Variants in FARS2 observed in about 807,000 individuals in gnomAD.
The protein encoded by FARS2 is phenylalanyl-tRNA synthetase 2, mitochondrial, also known as phenylalanine--tRNA ligase, mitochondrial.
FARS2 carries 40 observed loss-of-function variants against 46.4 expected under a neutral mutation model. The ratio of observed to expected loss-of-function variants is 0.86; its 90% CI spans 0.67 to 1.12. FARS2 has a LOEUF of 1.12. Among genes scored for constraint, FARS2 ranks in the 50% most tolerant of loss-of-function variants. The probability of loss-of-function intolerance (pLI) is 0.00; values close to 1 mark genes in which losing one functional copy is unlikely to be tolerated. For missense variants in FARS2, 513 were observed against 567.9 expected (o/e 0.90, Z 0.98); for synonymous variants, 234 against 214.9 (o/e 1.09, Z -0.78).
chr6:5,754,472 C>T (rs962078074), intron 6 of FARS2, among the ~76,000 whole-genome samples: 3 of 152,206 alleles, frequency 2.0e-5, no homozygotes, highest in Non-Finnish European at 2.9e-5. Context: ...ACAGTCTTGC[C>T]AGAGAGTAAA....
At chr6:5,650,884 A>G (rs1366991683) in intron 6 of FARS2, among the ~76,000 whole-genome samples, 2 of 152,194 alleles carry the variant, frequency 1.3e-5, no homozygotes, top group East Asian at 3.9e-4. Context: ...GATCAGGCTG[A>G]CCTGATCCTG....
chr6:5,526,394 A>G (rs1561685335), intron 4 of FARS2, among the ~76,000 whole-genome samples: 1 of 150,248 alleles, frequency 6.7e-6, no homozygotes, highest in Non-Finnish European at 1.5e-5. Flanking sequence ...ATTAATTGTC[A>G]TTACTTGGGA....
intron 3 of FARS2, among the ~76,000 whole-genome samples, chr6:5,405,780 C>T (rs140607376): frequency 0.026 from 3,962 of 151,838 alleles, 68 homozygotes; most frequent in South Asian, 0.068. Context: ...GCGTGATCCA[C>T]GGCGCCCGGC....
intron 6 of FARS2, among the ~76,000 whole-genome samples, chr6:5,697,585 T>C (rs1302426420): frequency 1.3e-5 from 2 of 152,234 alleles, no homozygotes; most frequent in Non-Finnish European, 2.9e-5. Context: ...GAAGAATATT[T>C]TTCTAGGACA....
chr6:5,297,683 A>G (rs1387004532), intron 1 of FARS2, among the ~76,000 whole-genome samples: 1 of 152,044 alleles, frequency 6.6e-6, no homozygotes, highest in Non-Finnish European at 1.5e-5. Context: ...CCAAAAGAAC[A>G]GCAACAGCAA....
intron 6 of FARS2, among the ~76,000 whole-genome samples, chr6:5,728,070 T>G (rs1409539538): frequency 6.6e-6 from 1 of 152,226 alleles, no homozygotes; most frequent in Non-Finnish European, 1.5e-5. Flanking sequence ...CTCGATGAAC[T>G]AACAGGGTCC....
intron 5 of FARS2, chr6:5,609,577 C>T: frequency 7.8e-7 from 1 of 1,285,782 alleles, no homozygotes; most frequent in Non-Finnish European, 1.1e-6. Flanking sequence ...CCTCCACGAC[C>T]ACCACCAAAG....
chr6:5,767,039 C>T (rs1238829306), intron 6 of FARS2, among the ~76,000 whole-genome samples: 1 of 151,774 alleles, frequency 6.6e-6, no homozygotes, highest in African/African-American at 2.4e-5. Context: ...GGATATACCA[C>T]ATTTTGTTAA....
At chr6:5,636,745 T>C (rs1776563679) in intron 6 of FARS2, among the ~76,000 whole-genome samples, 1 of 152,184 alleles carries the variant, frequency 6.6e-6, no homozygotes, top group African/African-American at 2.4e-5. Flanking sequence ...CAGGAGTAGC[T>C]TTCCACTACT....
At chr6:5,483,692 TA>T (rs951319367) in intron 4 of FARS2, among the ~76,000 whole-genome samples, 5 of 150,382 alleles carry the variant, frequency 3.3e-5, no homozygotes, top group Non-Finnish European at 7.4e-5. Flanking sequence ...AAATAAATAA[TA>T]AAAATGAATA....
chr6:5,676,686 A>G lies in FARS2; in HGVS notation c.1217+63366A>G, dbSNP rs115345078. ...TCATATTTCTGAATGTGAGACTTTCATTTTGTTTAATTATCTATTGAATGC... is the reference window on the plus strand; with the variant it reads ...TCATATTTCTGAATGTGAGACTTTCGTTTTGTTTAATTATCTATTGAATGC... On this transcript the variant is annotated intron_variant, in intron 6 of 6. Transcript: ENST00000274680. Among the ~76,000 whole-genome samples the G allele has an allele frequency of 7.5e-3, 1,135 of 152,322 alleles. 17 individuals carry two copies. The highest frequency in any genetic ancestry group is 0.026 in the African/African-American group (1,081 of 41,580).
chr6:5,331,645 T>A (rs1770806512), intron 1 of FARS2, among the ~76,000 whole-genome samples: 1 of 152,194 alleles, frequency 6.6e-6, no homozygotes, highest in African/African-American at 2.4e-5. Flanking sequence ...TCAGCTGGTA[T>A]TGTTACTGGG....
In FARS2 at chr6:5,359,029, C is replaced by CTTTTTTTTTTTTTTTTTTTTTTTTTTT. The variant is rs764897456; in HGVS notation, c.-21-9521_-21-9520insTTTTTTTTTTTTTTTTTTTTTTTTTTT. 1.1e-4 allele frequency among the ~76,000 whole-genome samples: 8 copies of CTTTTTTTTTTTTTTTTTTTTTTTTTTT among 72,516 alleles called. 4 individuals are homozygous for CTTTTTTTTTTTTTTTTTTTTTTTTTTT. The highest frequency in any genetic ancestry group is 9.1e-5 in the African/African-American group (2 of 22,052). 47.6% of individuals were successfully genotyped at this position (72,516 alleles called of 152,430 possible). ...TCGAATTATAGTGATGAAAAGATAC[C>CTTTTTTTTTTTTTTTTTTTTTTTTTTT]CTTTTTTTTTTTTTTTTTTTTTTTT... On this transcript the variant is annotated intron_variant, in intron 1 of 6. Transcript: ENST00000274680.
intron 5 of FARS2, among the ~76,000 whole-genome samples, chr6:5,596,026 G>A (rs768373409): frequency 6.6e-6 from 1 of 152,036 alleles, no homozygotes; most frequent in Non-Finnish European, 1.5e-5. Flanking sequence ...ATTTATAAGG[G>A]TTTTAAATAT....
Position 5,324,425 on chromosome 6 carries a change from T to C in FARS2, c.-21-44125T>C, listed in dbSNP as rs546306345. ...CTTTTTAGGGATTGTGGTATTATTG[T>C]GGGAAAGAGACTATTTGCTTTTTTT... On this transcript the variant is annotated intron_variant, in intron 1 of 6. Coordinates refer to ENST00000274680, the MANE Select transcript of FARS2 (RefSeq NM_006567.5). Among the ~76,000 whole-genome samples, 8 of 150,462 alleles carry C rather than the reference T, an allele frequency of 5.3e-5. No individual in the cohort carries two copies. The East Asian group carries it at 1.4e-3, about 26-fold the overall frequency.
chr6:5,506,901 G>T (rs1403064803), intron 4 of FARS2, among the ~76,000 whole-genome samples: 1 of 152,196 alleles, frequency 6.6e-6, no homozygotes, highest in African/African-American at 2.4e-5. Flanking sequence ...ACAGAGAGAG[G>T]CTAAGAGGCT....
chr6:5,312,264 G>T (rs1769129181), intron 1 of FARS2, among the ~76,000 whole-genome samples: 1 of 152,126 alleles, frequency 6.6e-6, no homozygotes, highest in South Asian at 2.1e-4. Context: ...ATTTTAATAA[G>T]AATTTATTTT....
At chr6:5,254,437 T>C in the FARS2 span, among the ~76,000 whole-genome samples, 2 of 152,260 alleles carry the variant, frequency 1.3e-5, no homozygotes, top group Non-Finnish European at 2.9e-5. Flanking sequence ...ATGTTGATTG[T>C]AATAGTTCCT....
chr6:5,260,552 T>A, upstream of FARS2: 1 of 1,473,888 alleles, frequency 6.8e-7, no homozygotes, highest in Non-Finnish European at 9.1e-7. Context: ...CAAACCACGG[T>A]GGCTCCCAGT....
Sources: allele counts gnomAD v4.1 joint callset (sites outside exome capture counted in the v4.1 genomes callset), GRCh38; gene constraint gnomAD v4.1.1; transcripts MANE v1.5; gene names NCBI Gene and HGNC (gene_info 2026-07-23, HGNC 2026-07-21).